Variants in LDLRAD4 observed in about 807,000 individuals in gnomAD.
LDLRAD4 encodes the protein low-density lipoprotein receptor class A domain-containing protein 4.
LDLRAD4 carries 5 observed loss-of-function variants against 17.0 expected under a neutral mutation model. The ratio of observed to expected loss-of-function variants is 0.29; its 90% CI spans 0.15 to 0.62. The LOEUF (loss-of-function observed/expected upper bound fraction) is 0.62, where lower values mean the gene tolerates loss of function less well. Among genes scored for constraint, LDLRAD4 ranks in the 20% least tolerant of loss-of-function variants. The pLI, the probability that LDLRAD4 is intolerant of heterozygous loss-of-function variation, is 0.84. For synonymous variants in LDLRAD4, 168 were observed against 171.8 expected (o/e 0.98, Z 0.17); for missense variants, 340 against 424.7 (o/e 0.80, Z 1.75).
chr18:13,246,252 G>A (rs1305973231), intron 1 of LDLRAD4, among the ~76,000 whole-genome samples: 1 of 152,192 alleles, frequency 6.6e-6, no homozygotes, highest in Non-Finnish European at 1.5e-5. Context: ...CTGACTTCAG[G>A]CTCTGCCTGC....
chr18:13,241,181 C>T (rs1314086702), intron 1 of LDLRAD4: 1 of 152,304 alleles, frequency 6.6e-6, no homozygotes, highest in African/African-American at 2.4e-5. Flanking sequence ...CCTGCCTCGG[C>T]CTCCCGAAAT....
At chr18:13,520,315 G>C (rs926277248) in intron 3 of LDLRAD4, 3 of 152,202 alleles carry the variant, frequency 2.0e-5, no homozygotes, top group African/African-American at 7.2e-5. Context: ...ACCTTGAATA[G>C]TAGCAGTGGG....
intron 1 of LDLRAD4, among the ~76,000 whole-genome samples, chr18:13,238,692 A>G (rs2042461610): frequency 1.3e-5 from 2 of 152,146 alleles, no homozygotes; most frequent in African/African-American, 2.4e-5. Flanking sequence ...TACTTTTAGG[A>G]TCCTGGAGAG....
At chr18:13,598,431 G>A (rs1025351913) in intron 3 of LDLRAD4, among the ~76,000 whole-genome samples, 10 of 152,188 alleles carry the variant, frequency 6.6e-5, no homozygotes, top group Non-Finnish European at 1.5e-4. Context: ...TTGCTTTATT[G>A]TTTTCCTCTA....
At chr18:13,402,174 C>G (rs2087285570) in intron 2 of LDLRAD4, among the ~76,000 whole-genome samples, 1 of 152,144 alleles carries the variant, frequency 6.6e-6, no homozygotes, top group South Asian at 2.1e-4. Context: ...CCAACAGATC[C>G]TTCAGGCTGT....
chr18:13,279,157 G>A (rs1209655832), intron 1 of LDLRAD4, among the ~76,000 whole-genome samples: 6 of 152,296 alleles, frequency 3.9e-5, no homozygotes, highest in Non-Finnish European at 7.4e-5. Context: ...ATTGGCTCTC[G>A]GGAAGCTGGG....
intron 5 of LDLRAD4, among the ~76,000 whole-genome samples, chr18:13,644,270 G>A (rs553457942): frequency 6.6e-4 from 100 of 152,070 alleles, no homozygotes; most frequent in Admixed American, 1.4e-3. Context: ...TATAACTTCT[G>A]CTTACTCAGA....
At chr18:13,288,621 C>CACA (rs2045774872) in intron 1 of LDLRAD4, among the ~76,000 whole-genome samples, 1 of 151,310 alleles carries the variant, frequency 6.6e-6, no homozygotes. Context: ...GTAGCAGCCC[C>CACA]GCAGACCGTG....
At chr18:13,555,299 C>G (rs763833849) in intron 3 of LDLRAD4, among the ~76,000 whole-genome samples, 1 of 152,184 alleles carries the variant, frequency 6.6e-6, no homozygotes, top group African/African-American at 2.4e-5. Flanking sequence ...GAAAGAATGT[C>G]ATTCAGTGGA....
At chr18:13,303,452 C>G (rs926640844) in intron 1 of LDLRAD4, among the ~76,000 whole-genome samples, 8 of 152,192 alleles carry the variant, frequency 5.3e-5, no homozygotes, top group African/African-American at 1.9e-4. Context: ...CTTTCTCTCT[C>G]TCTCCCCGTT....
chr18:13,321,861 C>CAAAAAAAAAA lies in LDLRAD4; in HGVS notation c.-383+43705_-383+43714dup, dbSNP rs57033432. ...AGGCAACAACAGCGAGACTCCGTCT[C>CAAAAAAAAAA]AAAAAAAAAAAAAAAAAAAAAAAAA... On this transcript the variant is annotated intron_variant, in intron 1 of 5. Coordinates refer to ENST00000359446, the Ensembl canonical transcript of LDLRAD4. Among the ~76,000 whole-genome samples the CAAAAAAAAAA allele has an allele frequency of 2.6e-3, 163 of 62,130 alleles. 4 individuals are homozygous for CAAAAAAAAAA. Among genetic ancestry groups the CAAAAAAAAAA allele is most frequent in the Middle Eastern group, 0.011 (1 of 88 alleles). 40.8% of individuals were successfully genotyped at this position (62,130 alleles called of 152,430 possible).
At chr18:13,448,503 G>A (rs984649137) in intron 3 of LDLRAD4, among the ~76,000 whole-genome samples, 10 of 152,150 alleles carry the variant, frequency 6.6e-5, no homozygotes, top group African/African-American at 1.2e-4. Context: ...CTGCGTAGTC[G>A]TGATGCTTGT....
At chr18:13,519,370 T>C (rs997558172) in intron 3 of LDLRAD4, among the ~76,000 whole-genome samples, 2 of 151,974 alleles carry the variant, frequency 1.3e-5, no homozygotes, top group Non-Finnish European at 2.9e-5. Context: ...GGAGCTGGGG[T>C]CAGCTCTTTC....
intron 1 of LDLRAD4, among the ~76,000 whole-genome samples, chr18:13,296,086 C>T (rs1287942928): frequency 6.6e-6 from 1 of 152,264 alleles, no homozygotes; most frequent in African/African-American, 2.4e-5. Context: ...GCTCCTGCGC[C>T]TGGCGGGCAT....
rs1038694549 is a variant in LDLRAD4, at chr18:13,620,357, A to G, written c.182-760A>G. ...CCCGAGCCCCTTGCTCTGAATTTAC[A>G]TCACTGCACGGTCAGTCACTTCCTT... On this transcript the variant is annotated intron_variant, in intron 3 of 5. Coordinates refer to ENST00000359446, the Ensembl canonical transcript of LDLRAD4. Among the ~76,000 whole-genome samples the G allele has an allele frequency of 5.9e-5, 9 of 152,280 alleles. No individual in the cohort carries two copies. In the South Asian group the frequency reaches 1.0e-3, roughly 18 times the overall value.
At chr18:13,612,876 C>A in intron 3 of LDLRAD4, 1 of 1,376,780 alleles carries the variant, frequency 7.3e-7, no homozygotes, top group East Asian at 2.4e-5. Flanking sequence ...AGAGGAGAAG[C>A]TCTTTCTCAA....
chr18:13,647,093 C>T (rs910870930), exon 6 of LDLRAD4: 1 of 152,158 alleles, frequency 6.6e-6, no homozygotes, highest in African/African-American at 2.4e-5. Flanking sequence ...TTCCCCAGGC[C>T]AGCTTTTGTA....
At chr18:13,409,795 C>G (rs765793797) in intron 2 of LDLRAD4, among the ~76,000 whole-genome samples, 2 of 152,096 alleles carry the variant, frequency 1.3e-5, no homozygotes, top group Admixed American at 6.6e-5. Context: ...GTAGGTGAGA[C>G]CTGATACTGG....
At chr18:13,579,181 C>A (rs541376718) in intron 3 of LDLRAD4, among the ~76,000 whole-genome samples, 115 of 151,856 alleles carry the variant, frequency 7.6e-4, no homozygotes, top group African/African-American at 2.6e-3. Flanking sequence ...CAGAGCAAGA[C>A]TCCATCTCAA....
Sources: gnomAD v4.1 joint callset for allele counts (sites outside exome capture counted in the v4.1 genomes callset) on GRCh38, gnomAD v4.1.1 for gene constraint, MANE v1.5 for transcripts, NCBI Gene and HGNC (gene_info 2026-07-23, HGNC 2026-07-21) for gene names.